Variants in DCLK1 observed in about 807,000 individuals in gnomAD.
The protein encoded by DCLK1 is doublecortin like kinase 1.
In DCLK1, 16 loss-of-function variants were observed where a neutral mutation model predicts 86.2. The observed-to-expected ratio is 0.19, with a 90% CI of 0.13 to 0.28. The LOEUF is 0.28. Ranked by LOEUF, DCLK1 falls within the 10% of genes least tolerant of loss-of-function variation. The pLI, the probability that DCLK1 is intolerant of heterozygous loss-of-function variation, is 1.00. For synonymous variants in DCLK1, 369 were observed against 370.5 expected, an observed-to-expected ratio of 1.00 and a Z score of 0.05; for missense variants, 590 against 940.2, an observed-to-expected ratio of 0.63 and a Z score of 4.87.
intron 6 of DCLK1, among the ~76,000 whole-genome samples, chr13:35,840,798 A>C (rs1869739136): frequency 6.6e-6 from 1 of 152,218 alleles, no homozygotes; most frequent in Non-Finnish European, 1.5e-5. Flanking sequence ...TAAATGTAGG[A>C]GCTTCTAAGC....
At chr13:36,059,218 C>CCATT (rs1883448496) in intron 3 of DCLK1, among the ~76,000 whole-genome samples, 1 of 152,102 alleles carries the variant, frequency 6.6e-6, no homozygotes, top group South Asian at 2.1e-4. Context: ...CAGGAAAGTG[C>CCATT]CATTGTGTAT....
In DCLK1 at chr13:36,103,777, A is replaced by T. The variant is rs556412555; in HGVS notation, c.723+8092T>A. On this transcript the variant is annotated intron_variant, in intron 3 of 16. Transcript: ENST00000360631. Reference sequence around the variant, plus strand: ...CACCACAGACACCCTTGAATACTGCAGGTTTGTGTCTCTGCAATAATTAGG... The same window carrying T: ...CACCACAGACACCCTTGAATACTGCTGGTTTGTGTCTCTGCAATAATTAGG... 5.1e-4 allele frequency among the ~76,000 whole-genome samples: 78 copies of T among 152,322 alleles called. 1 individual carries two copies. In the South Asian group the frequency reaches 0.015, roughly 30 times the overall value.
chr13:36,063,532 G>T (rs1593857361), intron 3 of DCLK1, among the ~76,000 whole-genome samples: 1 of 152,224 alleles, frequency 6.6e-6, no homozygotes, highest in Middle Eastern at 3.4e-3. Context: ...AGTAAGTCTG[G>T]CATCAGTTAC....
chr13:36,094,541 C>T (rs1884937404), intron 3 of DCLK1, among the ~76,000 whole-genome samples: 1 of 152,202 alleles, frequency 6.6e-6, no homozygotes, highest in South Asian at 2.1e-4. Context: ...TGGGTAGTTG[C>T]TATACACCCT....
chr13:36,063,666 G>C (rs576734362), intron 3 of DCLK1, among the ~76,000 whole-genome samples: 8 of 152,314 alleles, frequency 5.3e-5, no homozygotes, highest in African/African-American at 1.9e-4. Context: ...CAGAATAGGA[G>C]AATTTGTTTC....
chr13:35,815,742 A>AAG (rs1441441587), intron 11 of DCLK1, among the ~76,000 whole-genome samples: 1 of 152,200 alleles, frequency 6.6e-6, no homozygotes, highest in African/African-American at 2.4e-5. Context: ...AACAACATTT[A>AAG]AGCAGGGAGT....
At chr13:35,806,852 C>T (rs17052887) in intron 14 of DCLK1, among the ~76,000 whole-genome samples, 16,679 of 152,146 alleles carry the variant, frequency 0.11, 1,056 homozygotes, top group East Asian at 0.18. Context: ...CTTTAGCCTG[C>T]GCCTTTCTCT....
intron 15 of DCLK1, among the ~76,000 whole-genome samples, chr13:35,799,328 C>T (rs12865894): frequency 0.16 from 24,518 of 152,016 alleles, 2,999 homozygotes; most frequent in African/African-American, 0.33. Context: ...CTTGGCTCAC[C>T]GCAACCTCTG....
chr13:35,910,425 T>C (rs80195892), intron 4 of DCLK1, among the ~76,000 whole-genome samples: 1,664 of 152,356 alleles, frequency 0.011, 38 homozygotes, highest in African/African-American at 0.037. Context: ...AATAACCATT[T>C]GAAAAGGAAC....
chr13:35,837,938 C>T (rs1023024785), intron 7 of DCLK1, among the ~76,000 whole-genome samples: 15 of 151,780 alleles, frequency 9.9e-5, no homozygotes, highest in South Asian at 4.2e-4. Flanking sequence ...TGGTGGCAGA[C>T]GCCTGTAATC....
At chr13:35,873,250 A>G (rs1019211642) in intron 4 of DCLK1, among the ~76,000 whole-genome samples, 4 of 151,914 alleles carry the variant, frequency 2.6e-5, no homozygotes, top group Non-Finnish European at 4.4e-5. Context: ...GTGAGCCAAG[A>G]TCCCAAAAAC....
At chr13:35,918,009 C>T (rs1875536572) in intron 4 of DCLK1, among the ~76,000 whole-genome samples, 1 of 152,154 alleles carries the variant, frequency 6.6e-6, no homozygotes. Flanking sequence ...ATGTCCAAAC[C>T]CCACCATTAA....
chr13:35,788,403 G>T, intron 16 of DCLK1: 2 of 876,234 alleles, frequency 2.3e-6, no homozygotes, highest in Non-Finnish European at 3.7e-6. Flanking sequence ...TGCCTCTTCT[G>T]CAGGGTAACT....
chr13:35,826,736 C>T (rs1167135539), intron 10 of DCLK1, among the ~76,000 whole-genome samples: 11 of 152,034 alleles, frequency 7.2e-5, no homozygotes, highest in Admixed American at 7.2e-4. Context: ...TAAATGCTTT[C>T]CTCGTCTTGA....
intron 3 of DCLK1, among the ~76,000 whole-genome samples, chr13:36,110,967 A>G (rs560237022): frequency 6.6e-6 from 1 of 150,974 alleles, no homozygotes; most frequent in African/African-American, 2.4e-5. Context: ...AGTAGCTGGG[A>G]CTACAGGCGC....
At chr13:35,837,599 C>A (rs562077428) in intron 7 of DCLK1, among the ~76,000 whole-genome samples, 1 of 152,228 alleles carries the variant, frequency 6.6e-6, no homozygotes, top group Non-Finnish European at 1.5e-5. Flanking sequence ...AAGAAAGGAA[C>A]CCTCCTTGGC....
chr13:35,865,878 T>C (rs1380887950), intron 5 of DCLK1, among the ~76,000 whole-genome samples: 1 of 152,200 alleles, frequency 6.6e-6, no homozygotes, highest in Non-Finnish European at 1.5e-5. Context: ...GGGTAAATCA[T>C]TCACCTCCTG....
intron 3 of DCLK1, among the ~76,000 whole-genome samples, chr13:36,094,477 T>G (rs1181679703): frequency 6.6e-6 from 1 of 152,238 alleles, no homozygotes; most frequent in Non-Finnish European, 1.5e-5. Flanking sequence ...TGTTGCGTTA[T>G]TAAACCAACT....
chr13:35,924,231 G>C (rs1875967939), intron 4 of DCLK1, among the ~76,000 whole-genome samples: 1 of 152,062 alleles, frequency 6.6e-6, no homozygotes, highest in Non-Finnish European at 1.5e-5. Flanking sequence ...AGTTTCTGAT[G>C]TGAGATAAGT....
Sources: gnomAD v4.1 joint callset for allele counts (sites outside exome capture counted in the v4.1 genomes callset) on GRCh38, gnomAD v4.1.1 for gene constraint, MANE v1.5 for transcripts, NCBI Gene and HGNC (gene_info 2026-07-23, HGNC 2026-07-21) for gene names.